Variants in KLK12 observed in about 807,000 individuals in gnomAD.
The protein encoded by KLK12 is kallikrein-12.
In KLK12, 23 loss-of-function variants were observed where a neutral mutation model predicts 20.0. That is an observed-to-expected ratio of 1.15 (90% CI 0.83 to 1.63). The LOEUF is 1.63. Ranked by LOEUF, KLK12 falls within the 40% of genes most tolerant of loss-of-function variation. The pLI, the probability that KLK12 is intolerant of heterozygous loss-of-function variation, is 0.00. For synonymous variants in KLK12, 147 were observed against 141.9 expected (o/e 1.04, Z -0.25); for missense variants, 351 against 338.6 (o/e 1.04, Z -0.29).
At chr19:51,031,279 TTC>T (rs2091554643) in intron 4 of KLK12, among the ~76,000 whole-genome samples, 1 of 152,074 alleles carries the variant, frequency 6.6e-6, no homozygotes, top group Non-Finnish European at 1.5e-5. Context: ...ATCTCATATC[TTC>T]TGTCTCCTGA....
At chr19:51,029,530 C>T in intron 5 of KLK12, 73 bp from the exon 6 acceptor site, 1 of 1,290,150 alleles carries the variant, frequency 7.8e-7, no homozygotes, top group Admixed American at 1.7e-5. Context: ...ACCCTTCAAC[C>T]CAGTCCTGGG....
intron 3 of KLK12, 69 bp from the exon 4 acceptor site, chr19:51,032,204 T>TCG: frequency 6.6e-7 from 1 of 1,517,552 alleles, no homozygotes; most frequent in South Asian, 1.2e-5. Context: ...CCACGGACAC[T>TCG]CAGGCGCTCC....
At chr19:51,033,773 C>T in intron 3 of KLK12, 1 of 621,118 alleles carries the variant, frequency 1.6e-6, no homozygotes, top group Non-Finnish European at 2.9e-6. Context: ...GTTCCAGGAC[C>T]CTCCCCGGCC....
At position 51,034,012 on chromosome 19, in the gene KLK12, C is replaced by A. The variant is rs1435116926; in HGVS notation, c.165G>T (p.Arg55Ser). The A allele has an allele frequency of 6.2e-7, 1 of 1,611,292 alleles. No individual in the cohort carries two copies. Among genetic ancestry groups the A allele is most frequent in the Non-Finnish European group, 8.5e-7 (1 of 1,179,062 alleles). ...LRCGGVLIDH[R>S]WVLTAAHCSG... ...TGCAGTGAGCCGCTGTGAGGACCCACCTGTGGTCAATAAGGACACCCCCGC... is the reference window on the plus strand; with the variant it reads ...TGCAGTGAGCCGCTGTGAGGACCCAACTGTGGTCAATAAGGACACCCCCGC... Residue 55 changes from arginine to serine, a missense_variant, in exon 3 of 6, where the codon AGG (arginine) becomes AGT (serine). Arg to Ser is a moderately radical substitution (Grantham distance 110, BLOSUM62 -1). Transcript: ENST00000684732.
chr19:51,032,349 A>G (rs142203115), intron 3 of KLK12, among the ~76,000 whole-genome samples: 1,373 of 125,868 alleles, frequency 0.011, 21 homozygotes, highest in African/African-American at 0.04. Context: ...TGTTTCTCCT[A>G]CCATGTCCCT....
At chr19:51,029,902 T>C (rs915758092) in intron 5 of KLK12, among the ~76,000 whole-genome samples, 4 of 149,286 alleles carry the variant, frequency 2.7e-5, no homozygotes, top group Non-Finnish European at 4.4e-5. Context: ...AGGATAGAGG[T>C]TCTCTCAAGG....
In KLK12 at chr19:51,031,989, C is replaced by T. The variant is rs750502525; in HGVS notation, c.344G>A (p.Arg115His). Residue 115 changes from arginine (R) to histidine (H), a missense_variant, in exon 4 of 6, where the codon CGC becomes CAC. Physicochemically the swap from Arg to His is conservative, Grantham distance 29. Transcript: ENST00000684732. ...GCTGCTGGTTACGCGGACGGGCAGG[C>T]GCAGCCGCAGCAGCCGGAGGTCGTG... ...HEHDLRLLRLRLPVRVTSSVQ... is the reference protein window; with the variant it reads ...HEHDLRLLRLHLPVRVTSSVQ... 2.1e-5 allele frequency: 34 copies of T among 1,612,352 alleles called. No homozygotes were observed. Among genetic ancestry groups the T allele is most frequent in the Non-Finnish European group, 2.6e-5 (31 of 1,179,680 alleles).
In KLK12 at chr19:51,031,926, G is replaced by A; in HGVS notation, c.407C>T (p.Ala136Val). Residue 136 changes from alanine to valine, a missense_variant, in exon 4 of 6, where the codon GCT becomes GTT. Coordinates refer to ENST00000684732, the MANE Select transcript of KLK12 (RefSeq NM_001370125.1). ...GCCTGAGACGTGGCACTCGGTGCCA[G>A]CGGTTGCACAGTCATTGGGCAGGGG... Reference protein sequence around the residue: ...PLPLPNDCATAGTECHVSGWG... With the variant: ...PLPLPNDCATVGTECHVSGWG... The A allele has an allele frequency of 1.9e-6, 3 of 1,613,482 alleles. No individual in the cohort carries two copies. Among genetic ancestry groups the A allele is most frequent in the South Asian group, 1.1e-5 (1 of 91,046 alleles).
At chr19:51,034,459 A>C in intron 2 of KLK12, 126 bp downstream of exon 2, 1 of 1,509,112 alleles carries the variant, frequency 6.6e-7, no homozygotes, top group Non-Finnish European at 8.9e-7. Context: ...GCACAGAGAA[A>C]GCCCCTCTCC....
At chr19:51,030,955 T>G (rs773283952) in intron 4 of KLK12, 34 bp from the exon 5 acceptor site, 1 of 1,613,648 alleles carries the variant, frequency 6.2e-7, no homozygotes, top group South Asian at 1.1e-5. Context: ...CAGGGTCCCC[T>G]AAATCTCCCC....
intron 2 of KLK12, 176 bp from the exon 3 acceptor site, chr19:51,034,315 C>T: frequency 1.8e-6 from 2 of 1,135,154 alleles, no homozygotes; most frequent in Non-Finnish European, 1.2e-6. Flanking sequence ...ATCAAAGACA[C>T]CCAGGGAGAA....
intron 3 of KLK12, chr19:51,033,758 G>T (rs1241830164): frequency 1.7e-6 from 1 of 602,552 alleles, no homozygotes; most frequent in Admixed American, 2.7e-5. Flanking sequence ...GAGGCAGGAG[G>T]GCAGGTTCCA....
intron 4 of KLK12, 68 bp downstream of exon 4, chr19:51,031,808 G>GAC: frequency 6.5e-7 from 1 of 1,531,254 alleles, no homozygotes; most frequent in South Asian, 1.1e-5. Context: ...GTCATGATTC[G>GAC]ACCTCTCGCC....
Position 51,033,984 on chromosome 19 carries a change from C to T in KLK12, c.193G>A (p.Gly65Ser), listed in dbSNP as rs971563374. The T allele has an allele frequency of 1.3e-5, 21 of 1,611,352 alleles. No individual in the cohort carries two copies. Among genetic ancestry groups the T allele is most frequent in the East Asian group, 2.2e-5 (1 of 44,850 alleles). ...RWVLTAAHCS[G>S]SRYWVRLGEH... is the part of the protein sequence containing the mutation. Reference sequence around the variant, plus strand: ...CCACCCCAGGAAGGGACTTACCTGCCGCTGCAGTGAGCCGCTGTGAGGACC... The same window carrying T: ...CCACCCCAGGAAGGGACTTACCTGCTGCTGCAGTGAGCCGCTGTGAGGACC... The change falls in exon 3 of 6, where the codon GGC (glycine) becomes AGC (serine). Residue 65 changes from glycine to serine, a missense_variant. By Grantham distance (56) the Gly-to-Ser change is moderately conservative (BLOSUM62 0). Transcript: ENST00000684732.
In KLK12 at chr19:51,034,993, A is replaced by G; in HGVS notation, c.-207T>C. On this transcript the variant is annotated 5_prime_UTR_variant, in exon 1 of 6. An upstream start codon of the reference 5' UTR is lost. Transcript: ENST00000684732. ...TTGCTCAACCGGTCCCTTTCCTTCCATCTGTCGCTCCAGACAGACCACTGA... is the reference window on the plus strand; with the variant it reads ...TTGCTCAACCGGTCCCTTTCCTTCCGTCTGTCGCTCCAGACAGACCACTGA... 1 of 1,144,612 alleles carries G rather than the reference A, an allele frequency of 8.7e-7. No homozygotes were observed. The highest frequency in any genetic ancestry group is 2.4e-5 in the South Asian group (1 of 41,902). The allele number at this position is 1,144,612 out of a possible 1,614,324, so 70.9% of individuals were successfully genotyped here. A position where few individuals can be genotyped will look rare whatever the true frequency, so the allele number is the denominator to read the frequency against.
chr19:51,034,480 C>T, intron 2 of KLK12, 105 bp downstream of exon 2: 2 of 1,540,848 alleles, frequency 1.3e-6, no homozygotes, highest in South Asian at 2.4e-5. Flanking sequence ...TCCTCACCAC[C>T]AGGCTGGGGG....
At chr19:51,031,459 T>C (rs1031228280) in intron 4 of KLK12, among the ~76,000 whole-genome samples, 2 of 151,916 alleles carry the variant, frequency 1.3e-5, no homozygotes, top group African/African-American at 4.8e-5. Context: ...ATCTCAGATA[T>C]GTGATTTTGG....
At chr19:51,030,492 G>A (rs553581418) in intron 5 of KLK12, among the ~76,000 whole-genome samples, 1 of 152,040 alleles carries the variant, frequency 6.6e-6, no homozygotes, top group East Asian at 1.9e-4. Flanking sequence ...TGGGGCCACA[G>A]GCTTGCACCA....
rs1555789322 is a variant in KLK12 at position 51,031,595 on chromosome 19, C to CATATATATATATATATATATAT, written c.457+280_457+281insATATATATATATATATATATAT. Among the ~76,000 whole-genome samples the CATATATATATATATATATATAT allele has an allele frequency of 1.0e-3, 125 of 120,454 alleles. 3 individuals are homozygous for CATATATATATATATATATATAT. The highest frequency in any genetic ancestry group is 2.4e-3 in the Admixed American group (28 of 11,514). 79.0% of individuals were successfully genotyped at this position (120,454 alleles called of 152,430 possible). On this transcript the variant is annotated intron_variant, in intron 4 of 5. Coordinates refer to ENST00000684732, the MANE Select transcript of KLK12 (RefSeq NM_001370125.1). ...CCACAATGCCCATATCCTATACATA[C>CATATATATATATATATATATAT]ATATATATATATATATGCCTTTTGC... is the stretch of plus-strand genomic sequence containing the variant.
Sources: gnomAD v4.1 joint callset for allele counts (sites outside exome capture counted in the v4.1 genomes callset) on GRCh38, gnomAD v4.1.1 for gene constraint, MANE v1.5 for transcripts, NCBI Gene and HGNC (gene_info 2026-07-23, HGNC 2026-07-21) for gene names.